PMF1: variants seen among roughly 807,000 people sequenced by gnomAD.
The protein encoded by PMF1 is polyamine modulated factor 1.
In PMF1, 21 loss-of-function variants were observed where a neutral mutation model predicts 26.7. The observed-to-expected ratio is 0.79, with a 90% CI of 0.56 to 1.13. The LOEUF is 1.13. Among genes scored for constraint, PMF1 ranks in the 50% most tolerant of loss-of-function variants. The pLI is 0.00. For missense variants in PMF1, 266 were observed against 254.9 expected, an observed-to-expected ratio of 1.04 and a Z score of -0.30; for synonymous variants, 105 against 101.0, an observed-to-expected ratio of 1.04 and a Z score of -0.24.
intron 3 of PMF1, 106 bp from the exon 4 acceptor site, chr1:156,236,182 C>A (rs1658998854): frequency 2.0e-6 from 3 of 1,490,756 alleles, no homozygotes. Flanking sequence ...GCCAGCCCAA[C>A]TTGGGACAAG....
intron 1 of PMF1, among the ~76,000 whole-genome samples, chr1:156,217,816 A>G (rs1447610010): frequency 6.6e-6 from 1 of 151,982 alleles, no homozygotes; most frequent in Admixed American, 6.6e-5. Context: ...TCAGTCCTTG[A>G]TATGCATCCA....
intron 1 of PMF1, among the ~76,000 whole-genome samples, chr1:156,225,109 A>G (rs1336670941): frequency 6.6e-6 from 1 of 152,076 alleles, no homozygotes; most frequent in Non-Finnish European, 1.5e-5. Flanking sequence ...CATATTGGCC[A>G]GGCTGGTCTC....
chr1:156,221,428 T>C (rs914901434), intron 1 of PMF1, among the ~76,000 whole-genome samples: 1 of 152,232 alleles, frequency 6.6e-6, no homozygotes, highest in Non-Finnish European at 1.5e-5. Flanking sequence ...ACACCGGTTA[T>C]TTATTCCTTC....
intron 1 of PMF1, among the ~76,000 whole-genome samples, chr1:156,227,388 C>T (rs1343437877): frequency 6.6e-6 from 1 of 151,780 alleles, no homozygotes; most frequent in Non-Finnish European, 1.5e-5. Context: ...CCTGTAATCC[C>T]AGCTACCTGG....
intron 1 of PMF1, among the ~76,000 whole-genome samples, chr1:156,214,884 A>ATTATTT (rs1427950722): frequency 7.2e-6 from 1 of 138,206 alleles, no homozygotes; most frequent in African/African-American, 2.8e-5. Context: ...TATTATTATT[A>ATTATTT]TTTTTTTTTT....
intron 1 of PMF1, among the ~76,000 whole-genome samples, chr1:156,224,212 G>A (rs932965806): frequency 1.8e-4 from 28 of 151,966 alleles, no homozygotes; most frequent in African/African-American, 6.5e-4. Flanking sequence ...TATTTATAGG[G>A]TACATATCTA....
intron 1 of PMF1, among the ~76,000 whole-genome samples, chr1:156,213,383 A>T (rs747145290): frequency 6.6e-6 from 1 of 151,990 alleles, no homozygotes; most frequent in Non-Finnish European, 1.5e-5. Flanking sequence ...ATAGCTAGCT[A>T]CTCCTTCCTA....
intron 3 of PMF1, among the ~76,000 whole-genome samples, chr1:156,234,295 G>C (rs540994618): frequency 2.0e-5 from 3 of 151,018 alleles, no homozygotes; most frequent in Non-Finnish European, 3.0e-5. Flanking sequence ...TTTGAGGCCA[G>C]ACTGAAGAAG....
chr1:156,233,532 T>C, intron 2 of PMF1, 96 bp from the exon 3 acceptor site: 3 of 1,285,836 alleles, frequency 2.3e-6, no homozygotes, highest in Non-Finnish European at 3.3e-6. Context: ...AGAACAGAAA[T>C]TAGCCAAAAT....
At chr1:156,220,064 C>T (rs372202911) in intron 1 of PMF1, among the ~76,000 whole-genome samples, 10 of 149,530 alleles carry the variant, frequency 6.7e-5, no homozygotes, top group South Asian at 4.3e-4. Flanking sequence ...CCCGGGTTCA[C>T]GCCATTCTCC....
chr1:156,222,496 C>T (rs1466775694), intron 1 of PMF1, among the ~76,000 whole-genome samples: 5 of 152,192 alleles, frequency 3.3e-5, no homozygotes, highest in Admixed American at 2.0e-4. Flanking sequence ...GATTCTGCCG[C>T]GTCAGCCTCC....
rs1265053359 is a variant in PMF1 at position 156,232,907 on chromosome 1, A to AT, written c.267+489dup. 5.3e-5 allele frequency among the ~76,000 whole-genome samples: 7 copies of AT among 131,986 alleles called. No individual in the cohort carries two copies. The East Asian group carries it at 8.8e-4, about 17-fold the overall frequency. 86.6% of individuals were successfully genotyped at this position (131,986 alleles called of 152,430 possible). Reference sequence around the variant, plus strand: ...GCCGGTACAGTGGCCTAAAATTTTAATTTTTTTCTTCCTTTTTTTTTTTTT... The same window carrying AT: ...GCCGGTACAGTGGCCTAAAATTTTAATTTTTTTTCTTCCTTTTTTTTTTTTT... On this transcript the variant is annotated intron_variant, in intron 2 of 4. Transcript: ENST00000368277.
At chr1:156,222,183 G>A (rs150936343) in intron 1 of PMF1, among the ~76,000 whole-genome samples, 1 of 152,268 alleles carries the variant, frequency 6.6e-6, no homozygotes, top group African/African-American at 2.4e-5. Context: ...ATGCACACCT[G>A]AGTGCCAGTG....
chr1:156,215,814 G>T (rs923164747), intron 1 of PMF1, among the ~76,000 whole-genome samples: 1 of 152,000 alleles, frequency 6.6e-6, no homozygotes, highest in East Asian at 1.9e-4. Context: ...TCAGCCTCCC[G>T]AGTGGCTGGG....
intron 4 of PMF1, among the ~76,000 whole-genome samples, chr1:156,238,255 C>T (rs1659152204): frequency 6.6e-6 from 1 of 152,220 alleles, no homozygotes; most frequent in Non-Finnish European, 1.5e-5. Flanking sequence ...TTTTGACTAT[C>T]TGCCATTGCC....
At chr1:156,236,128 A>T (rs1558197474) in intron 3 of PMF1, among the ~76,000 whole-genome samples, 160 bp from the exon 4 acceptor site, 2 of 152,174 alleles carry the variant, frequency 1.3e-5, no homozygotes, top group Non-Finnish European at 2.9e-5. Context: ...CCTACGAGGA[A>T]CAGGTCTTGG....
At chr1:156,230,978 G>A (rs1658663519) in intron 1 of PMF1, among the ~76,000 whole-genome samples, 1 of 152,078 alleles carries the variant, frequency 6.6e-6, no homozygotes, top group Non-Finnish European at 1.5e-5. Context: ...CACTTTGGGA[G>A]GCCGAGATGG....
At chr1:156,238,877 C>CA in intron 4 of PMF1, among the ~76,000 whole-genome samples, 1 of 68,034 alleles carries the variant, frequency 1.5e-5, no homozygotes, top group Non-Finnish European at 2.7e-5. Flanking sequence ...GTGGTGGTGA[C>CA]AAAGGCCCCC....
chr1:156,227,542 G>A (rs537164014), intron 1 of PMF1, among the ~76,000 whole-genome samples: 1 of 150,008 alleles, frequency 6.7e-6, no homozygotes, highest in Non-Finnish European at 1.5e-5. Context: ...TGTCGCCCAG[G>A]CTAGAGTATA....
Sources: gnomAD v4.1 joint callset for allele counts (sites outside exome capture counted in the v4.1 genomes callset) on GRCh38, gnomAD v4.1.1 for gene constraint, MANE v1.5 for transcripts, NCBI Gene and HGNC (gene_info 2026-07-23, HGNC 2026-07-21) for gene names.